The following SGCE variants were observed in gnomAD, a reference collection of about 807,000 sequenced individuals.
The protein encoded by SGCE is epsilon-sarcoglycan.
Under a neutral mutation model 57.8 loss-of-function variants are expected in SGCE, and 26 were observed. The ratio of observed to expected loss-of-function variants is 0.45; its 90% confidence interval spans 0.33 to 0.62. SGCE has a LOEUF of 0.62. Ranked by LOEUF, SGCE falls within the 20% of genes least tolerant of loss-of-function variation. The pLI, the probability that SGCE is intolerant of heterozygous loss-of-function variation, is 0.02. For synonymous variants in SGCE, 183 were observed against 189.5 expected (o/e 0.97, Z 0.28); for missense variants, 468 against 548.6 (o/e 0.85, Z 1.47).
intron 1 of SGCE, among the ~76,000 whole-genome samples, chr7:94,641,480 G>A (rs1330066986): frequency 1.3e-5 from 2 of 152,132 alleles, no homozygotes; most frequent in African/African-American, 4.8e-5. Flanking sequence ...AAGGGGGGAA[G>A]AGATTAAGGA....
At chr7:94,590,150 T>C (rs1244798645) in intron 9 of SGCE, 4 of 152,204 alleles carry the variant, frequency 2.6e-5, no homozygotes, top group African/African-American at 9.7e-5. Context: ...CCATGTCCTG[T>C]ACACAATCAG....
In SGCE at chr7:94,587,496, G is replaced by A. The variant is rs1403848543; in HGVS notation, c.1297+1193C>T. 8 of 1,292,508 alleles carry A rather than the reference G, an allele frequency of 6.2e-6. No individual in the cohort carries two copies. The African/African-American group carries it at 9.3e-5, about 15-fold the overall frequency. The allele number at this position is 1,292,508 out of a possible 1,614,324, so 80.1% of individuals were successfully genotyped here. A position where few individuals can be genotyped will look rare whatever the true frequency, so the allele number is the denominator to read the frequency against. On this transcript the variant is annotated intron_variant, in intron 10 of 10. Transcript: ENST00000648936. ...AAGTTCTATCATTTCTATCGTAGAA[G>A]TATTCTTTTAGAAATTTTCCTTTTA...
intron 5 of SGCE, chr7:94,617,150 CTA>C (rs1802050328): frequency 6.6e-6 from 1 of 152,116 alleles, no homozygotes; most frequent in Non-Finnish European, 1.5e-5. Context: ...GAATCAGTCT[CTA>C]GGGGGAACAA....
At chr7:94,648,654 G>GA (rs1244046432) in intron 1 of SGCE, among the ~76,000 whole-genome samples, 1 of 152,114 alleles carries the variant, frequency 6.6e-6, no homozygotes, top group Admixed American at 6.6e-5. Context: ...AGTAACTACA[G>GA]AAAATGAAAG....
chr7:94,622,935 T>C (rs1803040020), intron 4 of SGCE, among the ~76,000 whole-genome samples: 2 of 152,134 alleles, frequency 1.3e-5, no homozygotes, highest in Non-Finnish European at 2.9e-5. Flanking sequence ...AATAAAATAA[T>C]AAAACTAGTT....
intron 3 of SGCE, chr7:94,626,191 T>C (rs755649590): frequency 6.6e-6 from 1 of 152,112 alleles, no homozygotes; most frequent in Non-Finnish European, 1.5e-5. Flanking sequence ...GTCAGCTATA[T>C]GTGTTGAAAA....
At chr7:94,635,627 A>T (rs1261622189) in intron 1 of SGCE, among the ~76,000 whole-genome samples, 1 of 152,226 alleles carries the variant, frequency 6.6e-6, no homozygotes, top group Non-Finnish European at 1.5e-5. Flanking sequence ...AGCCTGATAC[A>T]TTTATGGATT....
At chr7:94,595,503 A>C (rs1306497683) in intron 9 of SGCE, among the ~76,000 whole-genome samples, 1 of 152,130 alleles carries the variant, frequency 6.6e-6, no homozygotes, top group Non-Finnish European at 1.5e-5. Flanking sequence ...GATGAAATGC[A>C]TGCCCTTATA....
At chr7:94,605,787 CAAACAGA>C (rs1562817662) in intron 5 of SGCE, among the ~76,000 whole-genome samples, 2 of 151,936 alleles carry the variant, frequency 1.3e-5, no homozygotes, top group African/African-American at 4.8e-5. Context: ...ACAAAGGCAA[CAAACAGA>C]AAACAGTAAC....
intron 10 of SGCE, 108 bp from the exon 11 acceptor site, chr7:94,585,623 A>G (rs1322920592): frequency 3.9e-6 from 3 of 767,358 alleles, no homozygotes; most frequent in Non-Finnish European, 7.1e-6. Flanking sequence ...TCTTCTTAAT[A>G]CAATGTAAAA....
In SGCE at chr7:94,598,818, CTG is replaced by C. The variant is rs1798791092; in HGVS notation, c.1208_1209del (p.Thr403ArgfsTer4). ...GGCATGTTTGTGCTATCATAGTTGT[CTG>C]TGTGTAAAGGAGGTATGATTTCCCC... ...VTGEIIPPLH[T>X]DNYDSTNMPL... On this transcript the variant is annotated frameshift_variant, in exon 9 of 11. Transcript: ENST00000648936. LOFTEE classifies it high-confidence loss of function. 6 of 1,613,490 alleles carry C rather than the reference CTG, an allele frequency of 3.7e-6. No homozygotes were observed. The highest frequency in any genetic ancestry group is 4.2e-6 in the Non-Finnish European group (5 of 1,179,520).
chr7:94,608,999 G>T (rs746434562), intron 5 of SGCE, among the ~76,000 whole-genome samples: 1 of 152,120 alleles, frequency 6.6e-6, no homozygotes, highest in Non-Finnish European at 1.5e-5. Flanking sequence ...AGATGACCTT[G>T]GATTTGATGA....
At chr7:94,602,411 C>T (rs1460155124) in intron 6 of SGCE, among the ~76,000 whole-genome samples, 1 of 152,236 alleles carries the variant, frequency 6.6e-6, no homozygotes, top group East Asian at 1.9e-4. Flanking sequence ...CAGGATGCAG[C>T]TGGCTCTCTA....
chr7:94,613,576 A>G (rs1801403219), intron 5 of SGCE, among the ~76,000 whole-genome samples: 1 of 152,166 alleles, frequency 6.6e-6, no homozygotes, highest in Non-Finnish European at 1.5e-5. Flanking sequence ...TATCCCAACA[A>G]TTCAATTTCT....
intron 1 of SGCE, chr7:94,641,099 G>A (rs1378682468): frequency 1.3e-5 from 2 of 152,336 alleles, no homozygotes; most frequent in Non-Finnish European, 2.9e-5. Flanking sequence ...CACAGAGGTT[G>A]AAAAATGAAG....
At chr7:94,619,159 A>G (rs1802386131) in intron 4 of SGCE, 1 of 557,662 alleles carries the variant, frequency 1.8e-6, no homozygotes, top group Non-Finnish European at 3.2e-6. Context: ...TTTATCTACA[A>G]TATAATAAAA....
chr7:94,600,161 A>G (rs975516255), intron 7 of SGCE: 2 of 184,646 alleles, frequency 1.1e-5, no homozygotes, highest in African/African-American at 2.4e-5. Context: ...TACTCAAATT[A>G]TACCTTATTT....
intron 4 of SGCE, 66 bp downstream of exon 4, chr7:94,623,259 G>T: frequency 2.1e-6 from 2 of 951,098 alleles, no homozygotes; most frequent in Non-Finnish European, 1.6e-6. Flanking sequence ...TATATTTTAT[G>T]TAGTTATAAA....
At position 94,586,963 on chromosome 7, in the gene SGCE, TTAGTC is replaced by T. The variant is rs1261665555; in HGVS notation, c.1298-1453_1298-1449del. On this transcript the variant is annotated intron_variant, in intron 10 of 10. Transcript: ENST00000648936. ...AACAACCAAGAGGAGATACTGTACT[TTAGTC>T]TATAATATGATCCAAATTGCAGAAA... 160 of 983,252 alleles carry T rather than the reference TTAGTC, an allele frequency of 1.6e-4. 1 individual carries two copies. In the African/African-American group the frequency reaches 2.6e-3, roughly 16 times the overall value. The allele number at this position is 983,252 out of a possible 1,614,324, so 60.9% of individuals were successfully genotyped here.
Sources: allele counts gnomAD v4.1 joint callset (sites outside exome capture counted in the v4.1 genomes callset), GRCh38; gene constraint gnomAD v4.1.1; transcripts MANE v1.5; gene names NCBI Gene and HGNC (gene_info 2026-07-23, HGNC 2026-07-21).